Variants in DNAJC6 observed in about 807,000 individuals in gnomAD.
DNAJC6 encodes the protein DnaJ heat shock protein family (Hsp40) member C6, also known as auxilin.
DNAJC6 carries 34 observed loss-of-function variants against 110.0 expected under a neutral mutation model. The observed-to-expected ratio is 0.31, with a 90% CI of 0.24 to 0.41. The LOEUF is 0.41. Ranked by LOEUF, DNAJC6 falls within the 10% of genes least tolerant of loss-of-function variation. DNAJC6 has a pLI of 1.00. For missense variants in DNAJC6, 1,031 were observed against 1,207.8 expected (o/e 0.85, Z 2.17); for synonymous variants, 406 against 437.2 (o/e 0.93, Z 0.89).
rs918718181 is a variant in DNAJC6, at chr1:65,309,862, G to A, written c.117G>A (p.Gln39=). The A allele has an allele frequency of 1.3e-6, 2 of 1,548,286 alleles. No homozygotes were observed. Among genetic ancestry groups the A allele is most frequent in the Non-Finnish European group, 1.7e-6 (2 of 1,145,830 alleles). ...GAAGCGGCGGGGTTGGCGGCAAGCA[G>A]AGAGTGAACGCCGGGGCAGCGGCGC... is the stretch of plus-strand genomic sequence containing the variant. The part of the protein sequence containing the change: ...SAGSGGVGGK[Q]RVNAGAAARS... The change falls in exon 1 of 19, where the codon CAG becomes CAA. Residue 39 remains glutamine, a synonymous_variant. Coordinates refer to ENST00000371069, the MANE Select transcript of DNAJC6 (RefSeq NM_001256864.2).
chr1:65,282,033 CCTT>C (rs1653869381), intron 1 of DNAJC6, among the ~76,000 whole-genome samples: 1 of 152,156 alleles, frequency 6.6e-6, no homozygotes, highest in Non-Finnish European at 1.5e-5. Context: ...CTCAAGCTGT[CCTT>C]CTGCTCAGCC....
intron 1 of DNAJC6, among the ~76,000 whole-genome samples, chr1:65,296,503 G>T (rs1644929847): frequency 6.6e-6 from 1 of 151,922 alleles, no homozygotes; most frequent in African/African-American, 2.4e-5. Flanking sequence ...CCTTCATTGG[G>T]TGCTAAACAG....
chr1:65,323,126 T>C lies in DNAJC6; in HGVS notation c.193+13188T>C, dbSNP rs570106078. Among the ~76,000 whole-genome samples the C allele has an allele frequency of 1.4e-4, 22 of 152,346 alleles. 1 individual carries two copies. In the East Asian group the frequency reaches 4.2e-3, roughly 29 times the overall value. On this transcript the variant is annotated intron_variant, in intron 1 of 18. Coordinates refer to ENST00000371069, the MANE Select transcript of DNAJC6 (RefSeq NM_001256864.2). ...TTGTTCTAGATTCAAGTTTTTAACATTGCTGACTAGCTTTGTGACCTTGGG... is the reference window on the plus strand; with the variant it reads ...TTGTTCTAGATTCAAGTTTTTAACACTGCTGACTAGCTTTGTGACCTTGGG...
intron 1 of DNAJC6, among the ~76,000 whole-genome samples, chr1:65,333,713 T>C (rs1431151385): frequency 6.6e-6 from 1 of 152,146 alleles, no homozygotes; most frequent in East Asian, 1.9e-4. Flanking sequence ...TTTGAGGAAA[T>C]AACTGCAAAT....
chr1:65,392,631 T>C lies in DNAJC6; in HGVS notation c.1669T>C (p.Leu557=), dbSNP rs765681558. The C allele has an allele frequency of 1.7e-5, 27 of 1,613,680 alleles. No individual in the cohort carries two copies. In the South Asian group the frequency reaches 3.0e-4, roughly 18 times the overall value. ...APPPPEDVDL[L]GLEGSAMSNS... ...TCCACCCCCTGAGGATGTGGACCTT[T>C]TGGGCCTGGAAGGGTCTGCAATGAG... The change falls in exon 12 of 19, where the codon TTG becomes CTG. Residue 557 remains leucine, a synonymous_variant. Coordinates refer to ENST00000371069, the MANE Select transcript of DNAJC6 (RefSeq NM_001256864.2).
chr1:65,329,427 T>G (rs1645268000), intron 1 of DNAJC6, among the ~76,000 whole-genome samples: 1 of 152,128 alleles, frequency 6.6e-6, no homozygotes, highest in Non-Finnish European at 1.5e-5. Context: ...CCAGAGAGCA[T>G]CTGGGGATAA....
At chr1:65,291,041 T>A (rs1463631752) in intron 1 of DNAJC6, among the ~76,000 whole-genome samples, 1 of 152,264 alleles carries the variant, frequency 6.6e-6, no homozygotes, top group African/African-American at 2.4e-5. Flanking sequence ...GAATTTTTTG[T>A]TTGTTTGTTT....
At chr1:65,368,170 T>C (rs1645667572) in intron 4 of DNAJC6, among the ~76,000 whole-genome samples, 1 of 152,158 alleles carries the variant, frequency 6.6e-6, no homozygotes, top group Admixed American at 6.5e-5. Flanking sequence ...ATATTTATAA[T>C]ACCTGCCAAG....
At chr1:65,388,286 A>T (rs766602451) in intron 8 of DNAJC6, 50 bp from the exon 9 acceptor site, 1 of 1,512,958 alleles carries the variant, frequency 6.6e-7, no homozygotes, top group South Asian at 1.1e-5. Flanking sequence ...TTTTGATCAG[A>T]TTCCCTTTTC....
chr1:65,316,943 A>G (rs1645154258), intron 1 of DNAJC6, among the ~76,000 whole-genome samples: 1 of 152,152 alleles, frequency 6.6e-6, no homozygotes, highest in East Asian at 1.9e-4. Context: ...TTTTTAGCCA[A>G]AAAAGGAAAC....
At chr1:65,405,758 T>C in intron 15 of DNAJC6, 112 bp from the exon 16 acceptor site, 2 of 1,254,752 alleles carry the variant, frequency 1.6e-6, no homozygotes. Context: ...AGATTACTTA[T>C]GCTGTCAGTC....
intron 1 of DNAJC6, among the ~76,000 whole-genome samples, chr1:65,346,495 A>G (rs1165424508): frequency 6.6e-6 from 1 of 151,976 alleles, no homozygotes; most frequent in Admixed American, 6.6e-5. Context: ...TCACCTTCCC[A>G]GTCTCATCTT....
In DNAJC6 at chr1:65,303,763, C is replaced by T. The variant is rs754296237; in HGVS notation, c.-131+38831C>T. ...TTGTTTGTTTGTTTTTTAGTAGAGA[C>T]GGGGTTTCACCATGTTGGCCAGGCT... is the stretch of plus-strand genomic sequence containing the variant. On this transcript the variant is annotated intron_variant, in intron 1 of 19. Coordinates refer to the DNAJC6 transcript ENST00000263441. 4.6e-5 allele frequency among the ~76,000 whole-genome samples: 7 copies of T among 152,060 alleles called. No homozygotes were observed. The South Asian group carries it at 1.2e-3, about 27-fold the overall frequency.
At position 65,350,996 on chromosome 1, in the gene DNAJC6, T is replaced by A. The variant is rs12022547; in HGVS notation, c.194-13639T>A. Among the ~76,000 whole-genome samples, 2,246 of 152,218 alleles carry A rather than the reference T, an allele frequency of 0.015. 127 individuals carry two copies. In the East Asian group the frequency reaches 0.15, roughly 10 times the overall value. On this transcript the variant is annotated intron_variant, in intron 1 of 18. Transcript: ENST00000371069. ...CAGGGTGAATTTCCATGCAGTCTTT[T>A]CCCTCCTATCCCTCCAGCACCCCTA...
intron 18 of DNAJC6, among the ~76,000 whole-genome samples, 174 bp from the exon 19 acceptor site, chr1:65,412,750 T>C (rs181343255): frequency 6.6e-6 from 1 of 152,238 alleles, no homozygotes; most frequent in African/African-American, 2.4e-5. Context: ...GGGAGGTCAT[T>C]ATGGGGAGGT....
chr1:65,330,205 G>A (rs893094704), intron 1 of DNAJC6, among the ~76,000 whole-genome samples: 1 of 152,114 alleles, frequency 6.6e-6, no homozygotes, highest in African/African-American at 2.4e-5. Flanking sequence ...GCTGGCCTGT[G>A]TGCCTCCTAT....
chr1:65,383,212 A>C (rs1645839874), intron 5 of DNAJC6, among the ~76,000 whole-genome samples: 1 of 152,220 alleles, frequency 6.6e-6, no homozygotes, highest in Non-Finnish European at 1.5e-5. Context: ...TTTTGTCTTA[A>C]TTAGCTTGAG....
In DNAJC6 at chr1:65,388,407, G is replaced by A. The variant is rs972164819; in HGVS notation, c.1185G>A (p.Lys395=). The change falls in exon 9 of 19, where the codon AAG becomes AAA. Residue 395 remains lysine, a synonymous_variant. Transcript: ENST00000371069. ...TACCACTGGACACAACAGTTTTAAA[G>A]TTCACCAAGTAAGTACTGGTTGGGC... is the stretch of plus-strand genomic sequence containing the variant. The part of the protein sequence containing the change: ...GFIPLDTTVL[K]FTKPELDACD... The A allele has an allele frequency of 1.2e-6, 2 of 1,613,820 alleles. No homozygotes were observed. Among genetic ancestry groups the A allele is most frequent in the Non-Finnish European group, 8.5e-7 (1 of 1,179,932 alleles).
chr1:65,315,497 T>A (rs1024995546), intron 1 of DNAJC6, among the ~76,000 whole-genome samples: 1 of 152,212 alleles, frequency 6.6e-6, no homozygotes, highest in African/African-American at 2.4e-5. Flanking sequence ...TGTGTAAATA[T>A]ATATGCTTTA....
Sources: allele counts gnomAD v4.1 joint callset (sites outside exome capture counted in the v4.1 genomes callset), GRCh38; gene constraint gnomAD v4.1.1; transcripts MANE v1.5; gene names NCBI Gene and HGNC (gene_info 2026-07-23, HGNC 2026-07-21).